Variants in SCHIP1 observed in about 807,000 individuals in gnomAD.
The protein encoded by SCHIP1 is schwannomin-interacting protein 1.
A neutral mutation model predicts 29.7 loss-of-function variants in SCHIP1; 8 were observed. The ratio of observed to expected loss-of-function variants is 0.27; its 90% CI spans 0.16 to 0.49. The LOEUF is 0.49. Ranked by LOEUF, SCHIP1 falls within the 20% of genes least tolerant of loss-of-function variation. SCHIP1 has a pLI of 0.99. For missense variants in SCHIP1, 193 were observed against 294.6 expected, an observed-to-expected ratio of 0.66 and a Z score of 2.52; for synonymous variants, 76 against 94.9, an observed-to-expected ratio of 0.80 and a Z score of 1.16.
the SCHIP1 span, among the ~76,000 whole-genome samples, chr3:159,457,006 C>G: frequency 1.3e-5 from 2 of 152,064 alleles, no homozygotes; most frequent in African/African-American, 2.4e-5. Flanking sequence ...AAATAAAACC[C>G]TTACTATAAT....
At chr3:159,397,168 C>G in the SCHIP1 span, among the ~76,000 whole-genome samples, 2 of 151,658 alleles carry the variant, frequency 1.3e-5, no homozygotes, top group African/African-American at 2.4e-5. Context: ...GTTTTCAGCT[C>G]CATCAGCTCC....
At chr3:159,524,248 G>A in the SCHIP1 span, among the ~76,000 whole-genome samples, 2 of 152,184 alleles carry the variant, frequency 1.3e-5, no homozygotes, top group African/African-American at 4.8e-5. Flanking sequence ...ATCCTCTTAG[G>A]ACAAAAGACT....
chr3:159,450,301 C>T, the SCHIP1 span, among the ~76,000 whole-genome samples: 1 of 152,138 alleles, frequency 6.6e-6, no homozygotes, highest in Non-Finnish European at 1.5e-5. Flanking sequence ...GCATTTCATC[C>T]GTAAGTTCTA....
At chr3:159,279,138 A>G in the SCHIP1 span, among the ~76,000 whole-genome samples, 1 of 152,174 alleles carries the variant, frequency 6.6e-6, no homozygotes, top group Non-Finnish European at 1.5e-5. Flanking sequence ...TGTAGCTCCC[A>G]TAATCCCCAT....
At chr3:159,652,709 A>G in the SCHIP1 span, among the ~76,000 whole-genome samples, 1 of 152,186 alleles carries the variant, frequency 6.6e-6, no homozygotes, top group African/African-American at 2.4e-5. Context: ...TGAAACCAGA[A>G]GGGCAGGAGT....
chr3:159,651,137 T>A, the SCHIP1 span, among the ~76,000 whole-genome samples: 1 of 152,216 alleles, frequency 6.6e-6, no homozygotes, highest in African/African-American at 2.4e-5. Flanking sequence ...TATCATTTTA[T>A]TATTACTTAT....
chr3:159,874,672 T>C (rs1241500857), intron 2 of SCHIP1, among the ~76,000 whole-genome samples: 1 of 152,158 alleles, frequency 6.6e-6, no homozygotes, highest in African/African-American at 2.4e-5. Context: ...GCCAAGAAAG[T>C]CAATCATCCT....
chr3:159,708,229 C>T, the SCHIP1 span, among the ~76,000 whole-genome samples: 2 of 152,194 alleles, frequency 1.3e-5, no homozygotes, highest in South Asian at 2.1e-4. Context: ...AAAACCTACA[C>T]ACTCACTCCA....
the SCHIP1 span, among the ~76,000 whole-genome samples, chr3:159,676,212 C>T: frequency 9.8e-5 from 15 of 152,306 alleles, no homozygotes; most frequent in South Asian, 2.7e-3. Context: ...TTATACTTTA[C>T]AGTTCTTTTC....
chr3:159,313,344 T>A, the SCHIP1 span, among the ~76,000 whole-genome samples: 1 of 152,200 alleles, frequency 6.6e-6, no homozygotes, highest in African/African-American at 2.4e-5. Flanking sequence ...TCCCTAAACT[T>A]GGGCACTTTC....
the SCHIP1 span, among the ~76,000 whole-genome samples, chr3:159,600,332 T>C: frequency 6.6e-6 from 1 of 152,238 alleles, no homozygotes; most frequent in Non-Finnish European, 1.5e-5. Flanking sequence ...TACTGATAAC[T>C]TGTATATTCA....
chr3:159,855,014 AC>A (rs1428298252), intron 1 of SCHIP1, among the ~76,000 whole-genome samples: 1 of 152,194 alleles, frequency 6.6e-6, no homozygotes, highest in Non-Finnish European at 1.5e-5. Context: ...GCACTGTGTA[AC>A]CCATTATCTA....
At chr3:159,472,276 A>G in the SCHIP1 span, among the ~76,000 whole-genome samples, 1 of 152,160 alleles carries the variant, frequency 6.6e-6, no homozygotes, top group African/African-American at 2.4e-5. Flanking sequence ...GATACTATTT[A>G]AGGACAACAG....
At chr3:159,337,018 T>C in the SCHIP1 span, among the ~76,000 whole-genome samples, 3 of 152,178 alleles carry the variant, frequency 2.0e-5, no homozygotes, top group Non-Finnish European at 2.9e-5. Flanking sequence ...TTTTATTTCA[T>C]TGAGCAGATG....
At chr3:159,787,509 A>G in the SCHIP1 span, among the ~76,000 whole-genome samples, 2 of 152,240 alleles carry the variant, frequency 1.3e-5, no homozygotes, top group Non-Finnish European at 2.9e-5. Context: ...CTAGTGAAAT[A>G]ATGAATGTCT....
the SCHIP1 span, among the ~76,000 whole-genome samples, chr3:159,612,734 C>A: frequency 6.6e-6 from 1 of 152,236 alleles, no homozygotes; most frequent in East Asian, 1.9e-4. Flanking sequence ...GTGACAAGAG[C>A]GAGACTGTGT....
At chr3:159,668,815 T>C in the SCHIP1 span, among the ~76,000 whole-genome samples, 3 of 152,212 alleles carry the variant, frequency 2.0e-5, no homozygotes, top group African/African-American at 7.2e-5. Context: ...CCTCACTTCA[T>C]GCCATTAGAC....
the SCHIP1 span, among the ~76,000 whole-genome samples, chr3:159,566,360 A>T: frequency 2.6e-5 from 4 of 152,370 alleles, no homozygotes; most frequent in South Asian, 2.1e-4. Flanking sequence ...ATGAGCAACT[A>T]CTGTGGACCA....
At chr3:159,695,320 C>T in the SCHIP1 span, among the ~76,000 whole-genome samples, 5 of 152,200 alleles carry the variant, frequency 3.3e-5, 1 homozygote, top group South Asian at 1.0e-3. Context: ...CCATTACAGG[C>T]TTTCATCTTA....
Sources: gnomAD v4.1 joint callset for allele counts (sites outside exome capture counted in the v4.1 genomes callset) on GRCh38, gnomAD v4.1.1 for gene constraint, MANE v1.5 for transcripts, NCBI Gene and HGNC (gene_info 2026-07-23, HGNC 2026-07-21) for gene names.